The following FBXL20 variants were observed in gnomAD, a reference collection of about 807,000 sequenced individuals.
The protein encoded by FBXL20 is F-box and leucine rich repeat protein 20.
Under a neutral mutation model 64.0 loss-of-function variants are expected in FBXL20, and 11 were observed. That is an observed-to-expected ratio of 0.17 (90% confidence interval 0.11 to 0.28). The LOEUF (loss-of-function observed/expected upper bound fraction) is 0.28, where lower values mean the gene tolerates loss of function less well. Ranked by LOEUF, FBXL20 falls within the 10% of genes least tolerant of loss-of-function variation. The pLI is 1.00. For missense variants in FBXL20, 303 were observed against 526.2 expected, an observed-to-expected ratio of 0.58 and a Z score of 4.15; for synonymous variants, 184 against 189.0, an observed-to-expected ratio of 0.97 and a Z score of 0.22.
intron 2 of FBXL20, among the ~76,000 whole-genome samples, chr17:39,315,538 T>C (rs1164580690): frequency 6.6e-6 from 1 of 150,820 alleles, no homozygotes; most frequent in African/African-American, 2.4e-5. Flanking sequence ...AGGTTAGAGG[T>C]TGGGTGCAGA....
intron 2 of FBXL20, among the ~76,000 whole-genome samples, chr17:39,324,931 C>T (rs1332837093): frequency 6.6e-6 from 1 of 152,216 alleles, no homozygotes; most frequent in African/African-American, 2.4e-5. Context: ...AGGCCAAGTG[C>T]AGTGGCTCAC....
At chr17:39,324,806 A>G (rs548005018) in intron 2 of FBXL20, among the ~76,000 whole-genome samples, 1 of 152,306 alleles carries the variant, frequency 6.6e-6, no homozygotes, top group Admixed American at 6.5e-5. Context: ...ACAAATTCTA[A>G]TCTCCAGATG....
intron 2 of FBXL20, among the ~76,000 whole-genome samples, chr17:39,328,295 C>T (rs72825118): frequency 9.1e-4 from 119 of 131,230 alleles, no homozygotes; most frequent in Non-Finnish European, 1.6e-3. Flanking sequence ...TTTATAAATA[C>T]CATTCTCTAC....
chr17:39,260,818 G>A lies in FBXL20; in HGVS notation c.*642C>T, dbSNP rs765340174. 6.4e-6 allele frequency: 1 copy of A among 155,098 alleles called. No homozygotes were observed. The highest frequency in any genetic ancestry group is 1.4e-5 in the Non-Finnish European group (1 of 69,576). 9.6% of individuals were successfully genotyped at this position (155,098 alleles called of 1,614,324 possible). A position where few individuals can be genotyped will look rare whatever the true frequency, so the allele number is the denominator to read the frequency against. On this transcript the variant is annotated 3_prime_UTR_variant, in exon 15 of 15. Coordinates refer to ENST00000264658, the MANE Select transcript of FBXL20 (RefSeq NM_032875.3). ...CTACAGACAGTGATAATTTGAGTGTGTAAGAATTACATTTGGACCACAGTG... is the reference window on the plus strand; with the variant it reads ...CTACAGACAGTGATAATTTGAGTGTATAAGAATTACATTTGGACCACAGTG...
intron 9 of FBXL20, among the ~76,000 whole-genome samples, chr17:39,276,221 G>GAAAAAAAAAAA (rs1215336803): frequency 5.2e-3 from 313 of 59,896 alleles, no homozygotes; most frequent in Non-Finnish European, 6.5e-3. Flanking sequence ...AGCAAGAAAA[G>GAAAAAAAAAAA]AAAAAAAAAA....
At position 39,321,694 on chromosome 17, in the gene FBXL20, C is replaced by T. The variant is rs148647835; in HGVS notation, c.105-18055G>A. 9.4e-3 allele frequency among the ~76,000 whole-genome samples: 1,398 copies of T among 147,938 alleles called. 17 individuals carry two copies. The highest frequency in any genetic ancestry group is 0.033 in the African/African-American group (1,318 of 40,356). On this transcript the variant is annotated intron_variant, in intron 2 of 14. Transcript: ENST00000264658. ...ACTTGGGAGGCTGAGGCAGGAAAATCGCTTGAACCTGGGAGGTGGAGGTTG... is the reference window on the plus strand; with the variant it reads ...ACTTGGGAGGCTGAGGCAGGAAAATTGCTTGAACCTGGGAGGTGGAGGTTG...
chr17:39,378,012 C>G (rs548594054), intron 1 of FBXL20, among the ~76,000 whole-genome samples: 36 of 152,170 alleles, frequency 2.4e-4, no homozygotes, highest in African/African-American at 7.7e-4. Flanking sequence ...ACCCTATCCT[C>G]CACCACCTAC....
intron 2 of FBXL20, among the ~76,000 whole-genome samples, chr17:39,308,713 G>A (rs1254081058): frequency 2.6e-5 from 4 of 151,202 alleles, no homozygotes; most frequent in East Asian, 3.9e-4. Context: ...TACAGGCGCC[G>A]AACCACCACG....
chr17:39,318,586 C>T (rs1191368515), intron 2 of FBXL20, among the ~76,000 whole-genome samples: 1 of 151,970 alleles, frequency 6.6e-6, no homozygotes, highest in Non-Finnish European at 1.5e-5. Flanking sequence ...ACTAAAAATA[C>T]AACATTAGCC....
intron 2 of FBXL20, among the ~76,000 whole-genome samples, chr17:39,334,132 T>C (rs878992759): frequency 6.6e-6 from 1 of 152,124 alleles, no homozygotes; most frequent in African/African-American, 2.4e-5. Context: ...CTAAGAAAAA[T>C]TCTTCTGCCT....
chr17:39,385,184 C>G (rs948969854), intron 1 of FBXL20, among the ~76,000 whole-genome samples: 1 of 151,938 alleles, frequency 6.6e-6, no homozygotes, highest in Non-Finnish European at 1.5e-5. Context: ...ATGGCGCCAC[C>G]GCACTCCAGA....
At chr17:39,315,074 G>A (rs760021574) in intron 2 of FBXL20, among the ~76,000 whole-genome samples, 7 of 151,990 alleles carry the variant, frequency 4.6e-5, no homozygotes, top group African/African-American at 7.3e-5. Flanking sequence ...TGGGATTACA[G>A]GGTTGGGCTA....
intron 2 of FBXL20, among the ~76,000 whole-genome samples, chr17:39,342,755 G>A (rs950565012): frequency 6.6e-6 from 1 of 151,776 alleles, no homozygotes; most frequent in Non-Finnish European, 1.5e-5. Flanking sequence ...GGTGACATGT[G>A]CCTGTAGTCC....
At chr17:39,318,498 TG>T (rs2047318395) in intron 2 of FBXL20, among the ~76,000 whole-genome samples, 1 of 152,088 alleles carries the variant, frequency 6.6e-6, no homozygotes, top group African/African-American at 2.4e-5. Context: ...CCCAGCACTT[TG>T]GGAGGCCAAG....
chr17:39,259,260 T>C lies in FBXL20; in HGVS notation c.*2200A>G, dbSNP rs1011915283. The C allele has an allele frequency of 1.3e-5, 2 of 152,072 alleles. No homozygotes were observed. Among genetic ancestry groups the C allele is most frequent in the Middle Eastern group, 6.8e-3 (2 of 294 alleles). The allele number at this position is 152,072 out of a possible 1,614,324, so 9.4% of individuals were successfully genotyped here. On this transcript the variant is annotated 3_prime_UTR_variant, in exon 15 of 15. Coordinates refer to ENST00000264658, the MANE Select transcript of FBXL20 (RefSeq NM_032875.3). ...GGGAGGAAGGCTTGAGCCCAGGAGTTTGAGTCCAGGCTGGGCAAGATAGCG... is the reference window on the plus strand; with the variant it reads ...GGGAGGAAGGCTTGAGCCCAGGAGTCTGAGTCCAGGCTGGGCAAGATAGCG...
chr17:39,325,970 C>A (rs553574090), intron 2 of FBXL20, among the ~76,000 whole-genome samples: 1 of 152,242 alleles, frequency 6.6e-6, no homozygotes, highest in African/African-American at 2.4e-5. Context: ...ATCATGGGGG[C>A]AGATCCCTCA....
chr17:39,349,484 A>G (rs1474895870), intron 1 of FBXL20, among the ~76,000 whole-genome samples: 3 of 151,808 alleles, frequency 2.0e-5, no homozygotes, highest in Non-Finnish European at 4.4e-5. Flanking sequence ...GCACCTTGGA[A>G]GGTTGAGGCA....
At chr17:39,291,590 C>T (rs574822986) in intron 6 of FBXL20, among the ~76,000 whole-genome samples, 17 of 151,882 alleles carry the variant, frequency 1.1e-4, no homozygotes, top group Admixed American at 2.0e-4. Flanking sequence ...TGCATCACCA[C>T]GCCAGGCTAA....
intron 1 of FBXL20, among the ~76,000 whole-genome samples, chr17:39,389,395 A>G (rs1364853482): frequency 6.6e-6 from 1 of 152,212 alleles, no homozygotes. Flanking sequence ...AAACACATGC[A>G]AACGATTTTC....
Sources: gnomAD v4.1 joint callset for allele counts (sites outside exome capture counted in the v4.1 genomes callset) on GRCh38, gnomAD v4.1.1 for gene constraint, MANE v1.5 for transcripts, NCBI Gene and HGNC (gene_info 2026-07-23, HGNC 2026-07-21) for gene names.